The following MAP1B variants were observed in gnomAD, a reference collection of about 807,000 sequenced individuals.
MAP1B encodes the protein microtubule-associated protein 1B.
MAP1B carries 12 observed loss-of-function variants against 176.1 expected under a neutral mutation model. That is an observed-to-expected ratio of 0.07 (90% CI 0.04 to 0.11). The LOEUF (loss-of-function observed/expected upper bound fraction) is 0.11. Ranked by LOEUF, MAP1B falls within the 10% of genes least tolerant of loss-of-function variation. MAP1B has a pLI of 1.00. For missense variants in MAP1B, 2,523 were observed against 2,990.5 expected, an observed-to-expected ratio of 0.84 and a Z score of 3.65; for synonymous variants, 1,044 against 1,135.0, an observed-to-expected ratio of 0.92 and a Z score of 1.61.
rs1238331805 is a variant in MAP1B at position 72,199,929 on chromosome 5, A to G, written c.6574A>G (p.Thr2192Ala). ...DESETIPTDK[T>A]VTYKHMDPPP... is the part of the protein sequence containing the mutation. The stretch of plus-strand genomic sequence containing the variant: ...GTCGGAAACCATCCCCACAGACAAA[A>G]CTGTCACGTACAAACACATGGACCC... Residue 2192 changes from threonine (T) to alanine (A), a missense_variant, in exon 5 of 7, where the codon ACT becomes GCT. Thr to Ala is a moderately conservative substitution (Grantham distance 58). This residue lies in a region of MAP1B where 287 missense variants were observed against 401.5 expected (regional missense o/e 0.71). Coordinates refer to ENST00000296755, the MANE Select transcript of MAP1B (RefSeq NM_005909.5). This position sits in a 1 kb window ranked among gnomAD's most constrained non-coding sequence, Gnocchi z 4.2. The G allele has an allele frequency of 2.5e-6, 4 of 1,614,000 alleles. No individual in the cohort carries two copies. Among genetic ancestry groups the G allele is most frequent in the Non-Finnish European group, 3.4e-6 (4 of 1,179,980 alleles).
In MAP1B at chr5:72,198,634, C is replaced by T. The variant is rs1359950394; in HGVS notation, c.5279C>T (p.Ser1760Phe). ...GATGTTGCTCCTCCCAGAGATATGT[C>T]CTTATATGCCTCACTCACCTCTGAA... The part of the protein sequence containing the change: ...LSDVAPPRDM[S>F]LYASLTSEKV... Residue 1760 changes from serine to phenylalanine, a missense_variant, in exon 5 of 7, where the codon TCC becomes TTC. Ser to Phe is a radical substitution (Grantham distance 155). Transcript: ENST00000296755. 6.2e-7 allele frequency: 1 copy of T among 1,614,148 alleles called. No individual in the cohort carries two copies. The highest frequency in any genetic ancestry group is 8.5e-7 in the Non-Finnish European group (1 of 1,180,024).
chr5:72,107,584 C>T lies in MAP1B; in HGVS notation c.53C>T (p.Ala18Val). Residue 18 changes from alanine to valine, a missense_variant, in exon 1 of 7, where the codon GCC becomes GTC. Ala to Val is a moderately conservative substitution (Grantham distance 64). Coordinates refer to ENST00000296755, the MANE Select transcript of MAP1B (RefSeq NM_005909.5). ...ATEPEPSGSI[A>V]NPAASTSPSL... ...GAGCCGGAGCCGTCCGGCAGCATCGCCAACCCGGCGGCGTCCACCTCGCCT... is the reference window on the plus strand; with the variant it reads ...GAGCCGGAGCCGTCCGGCAGCATCGTCAACCCGGCGGCGTCCACCTCGCCT... 6.3e-6 allele frequency: 10 copies of T among 1,592,440 alleles called. No individual in the cohort carries two copies. Among genetic ancestry groups the T allele is most frequent in the Non-Finnish European group, 8.5e-6 (10 of 1,175,536 alleles).
chr5:72,202,081 A>C (rs1438866000), intron 5 of MAP1B, among the ~76,000 whole-genome samples: 1 of 152,238 alleles, frequency 6.6e-6, no homozygotes, highest in East Asian at 1.9e-4. Flanking sequence ...TAATAAGTGA[A>C]AATGAGTTAA....
At chr5:72,123,654 T>C (rs1745570948) in intron 2 of MAP1B, among the ~76,000 whole-genome samples, 1 of 152,040 alleles carries the variant, frequency 6.6e-6, no homozygotes, top group Non-Finnish European at 1.5e-5. Flanking sequence ...CCGGCTAATT[T>C]TTTGTATTTT....
At position 72,203,636 on chromosome 5, in the gene MAP1B, C is replaced by T. The variant is rs773262539; in HGVS notation, c.7086C>T (p.Tyr2362=). Residue 2362 remains tyrosine (Y), a synonymous_variant, in exon 6 of 7, where the codon TAC becomes TAT. Transcript: ENST00000296755. ...PGLPVYLDLC[Y]IPNHSNSKNV... ...TCCCTGTGTATTTGGACCTGTGCTACATTCCTAACCACAGCAATAGTAAGA... is the reference window on the plus strand; with the variant it reads ...TCCCTGTGTATTTGGACCTGTGCTATATTCCTAACCACAGCAATAGTAAGA... 82 of 1,614,200 alleles carry T rather than the reference C, an allele frequency of 5.1e-5. 1 individual carries two copies. The South Asian group carries it at 8.3e-4, about 16-fold the overall frequency.
intron 2 of MAP1B, chr5:72,180,051 C>T (rs367582996): frequency 3.3e-5 from 15 of 455,780 alleles, no homozygotes; most frequent in African/African-American, 1.7e-4. Flanking sequence ...TGGGGAAGAG[C>T]GTGCTGTGGA....
intron 2 of MAP1B, among the ~76,000 whole-genome samples, chr5:72,141,769 GA>G (rs892752763): frequency 6.6e-6 from 1 of 151,596 alleles, no homozygotes; most frequent in Non-Finnish European, 1.5e-5. Flanking sequence ...TTTAAAAAAA[GA>G]AAAAAAAGCC....
chr5:72,145,325 T>C (rs1746025242), intron 2 of MAP1B, among the ~76,000 whole-genome samples: 1 of 151,682 alleles, frequency 6.6e-6, no homozygotes. Context: ...AGAAAGAGAA[T>C]GATATTAAGC....
intron 2 of MAP1B, among the ~76,000 whole-genome samples, chr5:72,137,459 C>T (rs752170619): frequency 1.3e-5 from 2 of 152,196 alleles, no homozygotes; most frequent in Non-Finnish European, 2.9e-5. Context: ...CTGCTGAGAT[C>T]CATCTTCATT....
In MAP1B at chr5:72,205,892, G is replaced by C. The variant is rs1453661925; in HGVS notation, c.*653G>C. On this transcript the variant is annotated 3_prime_UTR_variant, in exon 7 of 7. Transcript: ENST00000296755. Reference sequence around the variant, plus strand: ...AAGTAAAAAGAACAACACTTGTTATGAGGGCATGTGATATTTTCACATCTT... The same window carrying C: ...AAGTAAAAAGAACAACACTTGTTATCAGGGCATGTGATATTTTCACATCTT... The C allele has an allele frequency of 6.6e-6, 1 of 152,500 alleles. No individual in the cohort carries two copies. Among genetic ancestry groups the C allele is most frequent in the Non-Finnish European group, 1.5e-5 (1 of 68,082 alleles). The allele number at this position is 152,500 out of a possible 1,614,324, so 9.4% of individuals were successfully genotyped here. A position where few individuals can be genotyped will look rare whatever the true frequency, so the allele number is the denominator to read the frequency against.
chr5:72,200,055 G>T lies in MAP1B; in HGVS notation c.6700G>T (p.Ala2234Ser), dbSNP rs369382387. Reference protein sequence around the residue: ...ALAIEQNLGKALKKDLKEKTK... With the variant: ...ALAIEQNLGKSLKKDLKEKTK... ...GGCCATTGAGCAGAACCTGGGCAAAGCTCTAAAGAAAGATCTGAAAGAGAA... is the reference window on the plus strand; with the variant it reads ...GGCCATTGAGCAGAACCTGGGCAAATCTCTAAAGAAAGATCTGAAAGAGAA... Residue 2234 changes from alanine to serine, a missense_variant, in exon 5 of 7, where the codon GCT (alanine) becomes TCT (serine). Ala to Ser is a moderately conservative substitution (Grantham distance 99). Coordinates refer to ENST00000296755, the MANE Select transcript of MAP1B (RefSeq NM_005909.5). 2.0e-5 allele frequency: 32 copies of T among 1,614,108 alleles called. No individual in the cohort carries two copies. Among genetic ancestry groups the T allele is most frequent in the Non-Finnish European group, 2.5e-5 (29 of 1,180,056 alleles).
intron 5 of MAP1B, among the ~76,000 whole-genome samples, chr5:72,201,409 A>G (rs963189064): frequency 1.3e-5 from 2 of 150,370 alleles, no homozygotes; most frequent in Non-Finnish European, 2.9e-5. Flanking sequence ...ATGAAATGCC[A>G]CTTGGCAAGA....
intron 2 of MAP1B, among the ~76,000 whole-genome samples, chr5:72,117,880 A>G (rs1194218138): frequency 2.6e-5 from 4 of 152,214 alleles, no homozygotes; most frequent in Non-Finnish European, 5.9e-5. Flanking sequence ...TGTGGGGAGC[A>G]TGAAGGTTTC....
At chr5:72,184,548 T>A (rs1746849986) in intron 3 of MAP1B, among the ~76,000 whole-genome samples, 1 of 152,252 alleles carries the variant, frequency 6.6e-6, no homozygotes, top group African/African-American at 2.4e-5. Flanking sequence ...ATTACCACCA[T>A]ATGAAACTGT....
intron 2 of MAP1B, among the ~76,000 whole-genome samples, chr5:72,178,722 A>AG (rs766593145): frequency 6.2e-5 from 7 of 113,208 alleles, no homozygotes; most frequent in South Asian, 3.0e-4. Flanking sequence ...GAAGCCTCTG[A>AG]GGGGTGTGTG....
intron 2 of MAP1B, among the ~76,000 whole-genome samples, chr5:72,174,174 C>G (rs1746604117): frequency 6.6e-6 from 1 of 152,158 alleles, no homozygotes; most frequent in South Asian, 2.1e-4. Context: ...AGTTCAGTAG[C>G]TTATTTTGTC....
At chr5:72,183,717 TTTTG>T (rs1223177973) in intron 2 of MAP1B, 22 bp from the exon 3 acceptor site, 3 of 1,601,238 alleles carry the variant, frequency 1.9e-6, no homozygotes, top group East Asian at 4.5e-5. Context: ...AGGTCTCCTC[TTTTG>T]TTTGTGTTTT....
chr5:72,202,736 C>CCACT (rs1269860860), intron 5 of MAP1B, among the ~76,000 whole-genome samples: 1 of 152,178 alleles, frequency 6.6e-6, no homozygotes, highest in Non-Finnish European at 1.5e-5. Flanking sequence ...GGCTGAAGAA[C>CCACT]CACTGCCTCA....
At chr5:72,171,165 A>G (rs1746529755) in intron 2 of MAP1B, among the ~76,000 whole-genome samples, 2 of 152,308 alleles carry the variant, frequency 1.3e-5, no homozygotes, top group South Asian at 4.1e-4. Flanking sequence ...AAAGAGGAAA[A>G]CATGAGCAAA....
Sources: allele counts gnomAD v4.1 joint callset (sites outside exome capture counted in the v4.1 genomes callset), GRCh38; gene constraint gnomAD v4.1.1; regional missense constraint gnomAD v4.1.1; non-coding constraint Gnocchi (gnomAD v3.1); transcripts MANE v1.5; gene names NCBI Gene and HGNC (gene_info 2026-07-23, HGNC 2026-07-21).